The following CIRSR variants were observed in gnomAD, a reference collection of about 807,000 sequenced individuals.
CIRSR encodes the protein CBF1 (RBPJ) interacting corepressor 1.
At chr2:174,365,121 C>T in the CIRSR span, among the ~76,000 whole-genome samples, 2 of 152,154 alleles carry the variant, frequency 1.3e-5, no homozygotes, top group African/African-American at 4.8e-5. Context: ...TTAGAAATTT[C>T]TTCCGCCAGA....
At chr2:174,382,904 C>G in the CIRSR span, among the ~76,000 whole-genome samples, 2 of 152,020 alleles carry the variant, frequency 1.3e-5, no homozygotes, top group African/African-American at 4.8e-5. Flanking sequence ...TATAATTTCT[C>G]CTTATATTTG....
chr2:174,361,107 T>C, the CIRSR span, among the ~76,000 whole-genome samples: 1 of 152,256 alleles, frequency 6.6e-6, no homozygotes, highest in Admixed American at 6.5e-5. Context: ...CTATATATTA[T>C]AAAAGAGTTG....
At chr2:174,350,694 A>C in the CIRSR span, 8 of 1,609,340 alleles carry the variant, frequency 5.0e-6, no homozygotes, top group Non-Finnish European at 6.8e-6. Flanking sequence ...GTTGTTAGTG[A>C]CTTTAAAAAT....
chr2:174,383,550 T>C, the CIRSR span, among the ~76,000 whole-genome samples: 1 of 151,334 alleles, frequency 6.6e-6, no homozygotes, highest in African/African-American at 2.4e-5. Flanking sequence ...TGAAACTCCG[T>C]CTCTACTAAA....
the CIRSR span, chr2:174,351,622 T>C: frequency 6.2e-7 from 1 of 1,611,826 alleles, no homozygotes; most frequent in South Asian, 1.1e-5. Flanking sequence ...TCATTACCTG[T>C]GATGGATCAT....
At chr2:174,387,641 G>A in the CIRSR span, 2 of 1,537,314 alleles carry the variant, frequency 1.3e-6, no homozygotes, top group East Asian at 4.7e-5. Flanking sequence ...TTATTCCCAT[G>A]AAATTGATAA....
chr2:174,365,487 G>C, the CIRSR span, among the ~76,000 whole-genome samples: 2 of 151,980 alleles, frequency 1.3e-5, no homozygotes, highest in African/African-American at 2.4e-5. Context: ...TACTATATTA[G>C]TCCATTTTCA....
the CIRSR span, among the ~76,000 whole-genome samples, chr2:174,394,657 G>A: frequency 6.6e-6 from 1 of 152,128 alleles, no homozygotes; most frequent in Non-Finnish European, 1.5e-5. Flanking sequence ...CCTTAGGAAG[G>A]TAACAGTGAA....
the CIRSR span, chr2:174,381,597 T>C: frequency 5.5e-6 from 4 of 725,626 alleles, no homozygotes; most frequent in Admixed American, 2.7e-5. Context: ...ATGGAGGTTG[T>C]AGTGTGCTGA....
the CIRSR span, among the ~76,000 whole-genome samples, chr2:174,359,252 G>GGGA: frequency 2.7e-5 from 4 of 150,212 alleles, no homozygotes; most frequent in African/African-American, 7.4e-5. Context: ...GCAATGCTCT[G>GGGA]TATCTTGTCA....
At chr2:174,395,521 C>T in the CIRSR span, 1 of 1,607,640 alleles carries the variant, frequency 6.2e-7, no homozygotes, top group South Asian at 1.1e-5. Context: ...TCCCTGTGGG[C>T]CTAATCCCTC....
chr2:174,387,818 A>T, the CIRSR span: 1 of 1,511,718 alleles, frequency 6.6e-7, no homozygotes, highest in South Asian at 1.2e-5. Flanking sequence ...AAATTGTTGG[A>T]TTTAAATTAA....
chr2:174,380,725 T>C, the CIRSR span: 1 of 1,611,588 alleles, frequency 6.2e-7, no homozygotes, highest in Non-Finnish European at 8.5e-7. Context: ...TCTAAAAACA[T>C]TCATTGAAAA....
the CIRSR span, among the ~76,000 whole-genome samples, chr2:174,368,072 G>A: frequency 6.6e-6 from 1 of 152,082 alleles, no homozygotes; most frequent in South Asian, 2.1e-4. Flanking sequence ...CAAAATATAT[G>A]AGGCAAAAAC....
chr2:174,356,335 G>A, the CIRSR span, among the ~76,000 whole-genome samples: 46 of 152,000 alleles, frequency 3.0e-4, no homozygotes, highest in Admixed American at 2.3e-3. Context: ...CCGTGGTGGC[G>A]CACATGCCTA....
chr2:174,376,563 C>T, the CIRSR span, among the ~76,000 whole-genome samples: 9 of 148,952 alleles, frequency 6.0e-5, no homozygotes, highest in East Asian at 2.0e-4. Flanking sequence ...TTTGGGAGGC[C>T]GAGGCGAGTG....
the CIRSR span, among the ~76,000 whole-genome samples, chr2:174,386,943 T>C: frequency 6.6e-6 from 1 of 152,226 alleles, no homozygotes; most frequent in East Asian, 1.9e-4. Flanking sequence ...CACACACTTT[T>C]ATAGGTCCCT....
the CIRSR span, among the ~76,000 whole-genome samples, chr2:174,364,966 C>T: frequency 6.6e-6 from 1 of 152,136 alleles, no homozygotes; most frequent in African/African-American, 2.4e-5. Context: ...TTTCTGTAGC[C>T]GGCTTGAATT....
At chr2:174,379,184 T>A in the CIRSR span, 2 of 619,076 alleles carry the variant, frequency 3.2e-6, no homozygotes, top group Non-Finnish European at 5.6e-6. Flanking sequence ...TGTTTGGTAA[T>A]TTAATACAAA....
Sources: allele counts gnomAD v4.1 joint callset (sites outside exome capture counted in the v4.1 genomes callset), GRCh38; gene constraint gnomAD v4.1.1; transcripts MANE v1.5; gene names NCBI Gene and HGNC (gene_info 2026-07-23, HGNC 2026-07-21).